The following MCM3AP variants were observed in gnomAD, a reference collection of about 807,000 sequenced individuals.
The protein encoded by MCM3AP is germinal-center associated nuclear protein.
Under a neutral mutation model 184.1 loss-of-function variants are expected in MCM3AP, and 126 were observed. The observed-to-expected ratio is 0.68, with a 90% CI of 0.59 to 0.79. The LOEUF (loss-of-function observed/expected upper bound fraction) is 0.79. MCM3AP is among the 30% of genes least tolerant of loss of function. The pLI is 0.00. For missense variants in MCM3AP, 2,496 were observed against 2,479.2 expected (o/e 1.01, Z -0.14); for synonymous variants, 1,002 against 979.3 (o/e 1.02, Z -0.43).
intron 19 of MCM3AP, 122 bp downstream of exon 19, chr21:46,254,269 TA>T: frequency 9.8e-7 from 1 of 1,021,930 alleles, no homozygotes; most frequent in South Asian, 1.5e-5. Context: ...ATCCAAGCAT[TA>T]AAACATAAAC....
intron 2 of MCM3AP, among the ~76,000 whole-genome samples, chr21:46,280,811 C>CT (rs2081322232): frequency 7.9e-6 from 1 of 126,974 alleles, no homozygotes; most frequent in East Asian, 2.1e-4. Context: ...GCTCTTTCCC[C>CT]CTTTTTTTTT....
intron 10 of MCM3AP, 56 bp from the exon 11 acceptor site, chr21:46,266,222 G>A (rs912597892): frequency 5.9e-6 from 9 of 1,534,842 alleles, no homozygotes; most frequent in Non-Finnish European, 7.1e-6. Flanking sequence ...AGACAGCTTC[G>A]CCCTCAGTGC....
At chr21:46,265,268 TTTG>T in intron 12 of MCM3AP, 50 bp downstream of exon 12, 1 of 1,558,916 alleles carries the variant, frequency 6.4e-7, no homozygotes, top group Non-Finnish European at 8.8e-7. Flanking sequence ...ACTAAGGACG[TTTG>T]CGCACAATGG....
intron 12 of MCM3AP, 57 bp from the exon 13 acceptor site, chr21:46,264,274 G>T: frequency 8.9e-7 from 1 of 1,124,624 alleles, no homozygotes. Flanking sequence ...CAGAAATGCT[G>T]GGTAACATGT....
At chr21:46,266,609 A>C in intron 10 of MCM3AP, 1 of 277,318 alleles carries the variant, frequency 3.6e-6, no homozygotes, top group Non-Finnish European at 6.9e-6. Flanking sequence ...ACTGGTAAGT[A>C]CCGGAGAAGA....
Position 46,251,628 on chromosome 21 carries a change from A to G in MCM3AP, c.4191T>C (p.Asp1397=), listed in dbSNP as rs141636544. ...TCCCACCAGCATCGCTGGATGTGTC[A>G]TCCACTGAGCCTTCATCTCCCATGA... The part of the protein sequence containing the change: ...VKFMGDEGSV[D]DTSSDAGGIQ... Residue 1397 remains aspartate (D), a synonymous_variant, in exon 20 of 28, where the codon GAT becomes GAC. Coordinates refer to ENST00000291688, the MANE Select transcript of MCM3AP (RefSeq NM_003906.5). 6.2e-7 allele frequency: 1 copy of G among 1,610,426 alleles called. No individual in the cohort carries two copies. Among genetic ancestry groups the G allele is most frequent in the Non-Finnish European group, 8.5e-7 (1 of 1,176,738 alleles).
Position 46,245,209 on chromosome 21 carries a change from G to A in MCM3AP, c.4648-12C>T. ...ACTGCTTGCAAAACCTGAGAAGAAAGAAGAGACTTGGTTGAACAATTCACA... is the reference window on the plus strand; with the variant it reads ...ACTGCTTGCAAAACCTGAGAAGAAAAAAGAGACTTGGTTGAACAATTCACA... On this transcript the variant is annotated splice_polypyrimidine_tract_variant and intron_variant, in intron 22 of 27. Coordinates refer to ENST00000291688, the MANE Select transcript of MCM3AP (RefSeq NM_003906.5). 1 of 1,417,308 alleles carries A rather than the reference G, an allele frequency of 7.1e-7. No homozygotes were observed. Among genetic ancestry groups the A allele is most frequent in the South Asian group, 1.3e-5 (1 of 78,612 alleles). 87.8% of individuals were successfully genotyped at this position (1,417,308 alleles called of 1,614,324 possible). A position where few individuals can be genotyped will look rare whatever the true frequency, so the allele number is the denominator to read the frequency against.
intron 10 of MCM3AP, 81 bp from the exon 11 acceptor site, chr21:46,266,247 C>G (rs1331603563): frequency 8.9e-6 from 13 of 1,454,828 alleles, no homozygotes; most frequent in Middle Eastern, 2.0e-4. Context: ...CCGAGTACTG[C>G]AAGCCCCTTG....
Position 46,277,608 on chromosome 21 carries a change from T to G in MCM3AP, c.1777A>C (p.Ser593Arg). 1 of 1,612,448 alleles carries G rather than the reference T, an allele frequency of 6.2e-7. No individual in the cohort carries two copies. The highest frequency in any genetic ancestry group is 8.5e-7 in the Non-Finnish European group (1 of 1,179,346). Residue 593 changes from serine to arginine, a missense_variant, in exon 5 of 28, where the codon AGT becomes CGT. Physicochemically the swap from Ser to Arg is moderately radical, Grantham distance 110 (BLOSUM62 -1). Around this residue, in one of 5 missense-constraint regions of MCM3AP, gnomAD observed 800 missense variants for 717.1 expected, o/e 1.12. Transcript: ENST00000291688. ...TCAGCCACAGTGCCTATCAGGGTACTGAGGGAGAGCACACATGGCCCGAGG... is the reference window on the plus strand; with the variant it reads ...TCAGCCACAGTGCCTATCAGGGTACGGAGGGAGAGCACACATGGCCCGAGG... ...EGLGPCVLSL[S>R]TLIGTVAETS... is the part of the protein sequence containing the mutation.
chr21:46,263,002 A>G (rs1348949908), intron 13 of MCM3AP, among the ~76,000 whole-genome samples: 1 of 144,508 alleles, frequency 6.9e-6, no homozygotes, highest in Non-Finnish European at 1.5e-5. Context: ...ATGGAAAACT[A>G]CAGACCAATA....
intron 20 of MCM3AP, among the ~76,000 whole-genome samples, chr21:46,249,311 C>T (rs2080831682): frequency 6.6e-6 from 1 of 152,154 alleles, no homozygotes; most frequent in Admixed American, 6.6e-5. Context: ...CCTCAGCTTC[C>T]CAAGCTACTA....
At chr21:46,272,508 T>G in intron 8 of MCM3AP, 53 bp downstream of exon 8, 1 of 1,570,518 alleles carries the variant, frequency 6.4e-7, no homozygotes, top group Non-Finnish European at 8.7e-7. Context: ...TTCTCCTGTT[T>G]AAAGCCTGCC....
chr21:46,258,899 C>T (rs765035771), intron 16 of MCM3AP, 40 bp downstream of exon 16: 2 of 1,610,068 alleles, frequency 1.2e-6, no homozygotes, highest in South Asian at 1.1e-5. Flanking sequence ...AGACTCTTCC[C>T]CGTGTGTGTG....
rs201004909 is a variant in MCM3AP, at chr21:46,245,124, T to A, written c.4721A>T (p.Gln1574Leu). 1.3e-4 allele frequency: 202 copies of A among 1,614,214 alleles called. 1 individual carries two copies. The East Asian group carries it at 4.5e-3, about 36-fold the overall frequency. The change falls in exon 23 of 28, where the codon CAG (glutamine) becomes CTG (leucine). Residue 1574 changes from glutamine to leucine, a missense_variant. Around this residue, in one of 5 missense-constraint regions of MCM3AP, gnomAD observed 1,323 missense variants for 1,273.4 expected, o/e 1.04. Coordinates refer to ENST00000291688, the MANE Select transcript of MCM3AP (RefSeq NM_003906.5). ...ATGGCCAATCCCGTCTTCGACGTAC[T>A]GAATGAGAGTCTGGCAGCAGAGGTC... Reference protein sequence around the residue: ...SLDLCCQTLIQYVEDGIGHEF... With the variant: ...SLDLCCQTLILYVEDGIGHEF...
intron 12 of MCM3AP, among the ~76,000 whole-genome samples, chr21:46,264,741 C>T (rs566428493): frequency 7.2e-5 from 11 of 151,996 alleles, no homozygotes; most frequent in African/African-American, 2.4e-4. Flanking sequence ...AGAGACCACA[C>T]ACACCAGAGG....
intron 13 of MCM3AP, 45 bp downstream of exon 13, chr21:46,264,072 C>T: frequency 7.2e-7 from 1 of 1,382,630 alleles, no homozygotes; most frequent in Non-Finnish European, 1.0e-6. Context: ...CTGGGTGCAG[C>T]TCCCCGCAGC....
At chr21:46,270,123 A>G in intron 9 of MCM3AP, 1 of 291,568 alleles carries the variant, frequency 3.4e-6, no homozygotes. Context: ...TTCATGGATG[A>G]TGATAGTGCT....
rs1288254594 is a variant in MCM3AP, at chr21:46,284,932, C to T, written c.355G>A (p.Gly119Arg). 6.2e-7 allele frequency: 1 copy of T among 1,614,022 alleles called. No homozygotes were observed. Among genetic ancestry groups the T allele is most frequent in the Non-Finnish European group, 8.5e-7 (1 of 1,180,038 alleles). ...GFSFKSPTSV[G>R]AFPSTSAFGQ... Reference sequence around the variant, plus strand: ...AAAGCAGAAGTGCTTGGGAAAGCCCCAACACTGGTGGGTGATTTAAAACTA... The same window carrying T: ...AAAGCAGAAGTGCTTGGGAAAGCCCTAACACTGGTGGGTGATTTAAAACTA... Residue 119 changes from glycine to arginine, a missense_variant, in exon 1 of 28, where the codon GGG becomes AGG. Physicochemically the swap from Gly to Arg is moderately radical, Grantham distance 125 (BLOSUM62 -2). Around this residue, in one of 5 missense-constraint regions of MCM3AP, gnomAD observed 800 missense variants for 717.1 expected, o/e 1.12. Coordinates refer to ENST00000291688, the MANE Select transcript of MCM3AP (RefSeq NM_003906.5).
At chr21:46,276,627 G>C (rs2081258052) in intron 5 of MCM3AP, among the ~76,000 whole-genome samples, 3 of 151,792 alleles carry the variant, frequency 2.0e-5, no homozygotes, top group South Asian at 4.2e-4. Flanking sequence ...TTTTAGTAGA[G>C]ATGGGGTTTT....
Sources: gnomAD v4.1 joint callset for allele counts (sites outside exome capture counted in the v4.1 genomes callset) on GRCh38, gnomAD v4.1.1 for gene constraint, gnomAD v4.1.1 regional missense constraint, MANE v1.5 for transcripts, NCBI Gene and HGNC (gene_info 2026-07-23, HGNC 2026-07-21) for gene names.